The following GLIS3 variants were observed in gnomAD, a reference collection of about 807,000 sequenced individuals.
The protein encoded by GLIS3 is GLIS family zinc finger 3, also known as zinc finger protein GLIS3.
A neutral mutation model predicts 78.6 loss-of-function variants in GLIS3; 53 were observed. That is an observed-to-expected ratio of 0.67 (90% CI 0.54 to 0.85). GLIS3 has a LOEUF of 0.85. GLIS3 is among the 40% of genes least tolerant of loss of function. The probability of loss-of-function intolerance (pLI) is 0.00; values close to 1 mark genes in which losing one functional copy is unlikely to be tolerated. For synonymous variants in GLIS3, 684 were observed against 509.9 expected, an observed-to-expected ratio of 1.34 and a Z score of -4.60; for missense variants, 1,703 against 1,231.1, an observed-to-expected ratio of 1.38 and a Z score of -5.74.
At chr9:4,488,760 C>T in the GLIS3 span, among the ~76,000 whole-genome samples, 1 of 152,150 alleles carries the variant, frequency 6.6e-6, no homozygotes, top group South Asian at 2.1e-4. Context: ...TCAAGTGATC[C>T]GCCTGCCTTG....
At chr9:4,157,313 G>C (rs1835113849) in intron 2 of GLIS3, among the ~76,000 whole-genome samples, 1 of 152,132 alleles carries the variant, frequency 6.6e-6, no homozygotes, top group Admixed American at 6.5e-5. Context: ...GTGACTTACA[G>C]TGAACACCAA....
Position 3,932,324 on chromosome 9 carries a change from GCTT to G in GLIS3, c.1983+33_1983+35del, listed in dbSNP as rs767559985. On this transcript the variant is annotated intron_variant, in intron 6 of 10. Coordinates refer to ENST00000381971, the MANE Select transcript of GLIS3 (RefSeq NM_001042413.2). Reference sequence around the variant, plus strand: ...TGTACTACAAGAATAATCTGAACATGCTTTTCCCGACTGGAAGATTCTCTTTTA... The same window carrying G: ...TGTACTACAAGAATAATCTGAACATGTTCCCGACTGGAAGATTCTCTTTTA... The G allele has an allele frequency of 3.4e-6, 5 of 1,485,078 alleles. No individual in the cohort carries two copies. The East Asian group carries it at 1.1e-4, about 34-fold the overall frequency. 92.0% of individuals were successfully genotyped at this position (1,485,078 alleles called of 1,614,324 possible).
intron 4 of GLIS3, among the ~76,000 whole-genome samples, chr9:4,067,692 C>G (rs1279626704): frequency 6.6e-6 from 1 of 151,874 alleles, no homozygotes; most frequent in Admixed American, 6.6e-5. Context: ...AGATGAAAAA[C>G]AGATTTGCCA....
intron 4 of GLIS3, among the ~76,000 whole-genome samples, chr9:4,060,568 T>C (rs1826562468): frequency 6.6e-6 from 1 of 151,990 alleles, no homozygotes; most frequent in African/African-American, 2.4e-5. Context: ...ATTATGAGAG[T>C]ATAACTTGTG....
At chr9:3,927,537 C>G (rs1362781020) in intron 6 of GLIS3, among the ~76,000 whole-genome samples, 1 of 152,170 alleles carries the variant, frequency 6.6e-6, no homozygotes, top group Admixed American at 6.5e-5. Flanking sequence ...CGGGCAACAG[C>G]TTTAAGCACG....
chr9:4,438,286 A>G, the GLIS3 span, among the ~76,000 whole-genome samples: 2 of 152,220 alleles, frequency 1.3e-5, no homozygotes, highest in African/African-American at 4.8e-5. Context: ...GTTTTGTGAT[A>G]TTTTGTTTAC....
chr9:4,260,079 T>A (rs1023628600), intron 2 of GLIS3, among the ~76,000 whole-genome samples: 1 of 152,172 alleles, frequency 6.6e-6, no homozygotes, highest in Admixed American at 6.5e-5. Context: ...TGACCTCTGA[T>A]CTACACACTT....
chr9:4,250,558 AC>A (rs1366648956), intron 2 of GLIS3, among the ~76,000 whole-genome samples: 5 of 149,316 alleles, frequency 3.3e-5, no homozygotes, highest in African/African-American at 1.2e-4. Context: ...CTTTTCAAAA[AC>A]CTAGCTCCCG....
At chr9:4,482,469 C>G in the GLIS3 span, among the ~76,000 whole-genome samples, 1 of 152,208 alleles carries the variant, frequency 6.6e-6, no homozygotes, top group South Asian at 2.1e-4. Flanking sequence ...CTGACACCAT[C>G]TTTCTCCCCA....
At chr9:4,042,767 C>T (rs1261323593) in intron 4 of GLIS3, among the ~76,000 whole-genome samples, 1 of 152,038 alleles carries the variant, frequency 6.6e-6, no homozygotes, top group Non-Finnish European at 1.5e-5. Flanking sequence ...CTTTGGAAAA[C>T]AATATATGAT....
chr9:4,393,808 G>A, the GLIS3 span, among the ~76,000 whole-genome samples: 1 of 152,086 alleles, frequency 6.6e-6, no homozygotes, highest in Non-Finnish European at 1.5e-5. Context: ...TGTTAACTTT[G>A]ATTAGTTAAG....
At chr9:4,039,620 G>A (rs760217319) in intron 4 of GLIS3, among the ~76,000 whole-genome samples, 2 of 152,168 alleles carry the variant, frequency 1.3e-5, no homozygotes, top group Admixed American at 1.3e-4. Flanking sequence ...CTCGTCCAAG[G>A]AAACACCACT....
chr9:3,847,826 T>C (rs536368791), intron 9 of GLIS3, among the ~76,000 whole-genome samples: 18 of 152,222 alleles, frequency 1.2e-4, no homozygotes, highest in Non-Finnish European at 2.6e-4. Flanking sequence ...TTTGTAGTAA[T>C]TAAGTATATG....
chr9:3,992,765 T>G (rs758373194), intron 4 of GLIS3, among the ~76,000 whole-genome samples: 7 of 152,240 alleles, frequency 4.6e-5, no homozygotes, highest in Non-Finnish European at 1.0e-4. Flanking sequence ...TTTCCAGTTT[T>G]AATTTGGCTG....
intron 2 of GLIS3, among the ~76,000 whole-genome samples, chr9:4,314,891 C>T (rs1029466959): frequency 6.6e-6 from 1 of 152,210 alleles, no homozygotes; most frequent in Non-Finnish European, 1.5e-5. Flanking sequence ...CTGCTGTTAG[C>T]TCTATTCCTT....
the GLIS3 span, among the ~76,000 whole-genome samples, chr9:4,408,533 C>A: frequency 1.3e-5 from 2 of 151,484 alleles, no homozygotes; most frequent in Non-Finnish European, 2.9e-5. Flanking sequence ...TCGAGACCAT[C>A]CTGGCTAACA....
At chr9:4,098,305 C>G (rs911541735) in intron 4 of GLIS3, among the ~76,000 whole-genome samples, 1 of 152,122 alleles carries the variant, frequency 6.6e-6, no homozygotes, top group African/African-American at 2.4e-5. Context: ...TTGGTATATT[C>G]CTAATGAGAT....
intron 4 of GLIS3, among the ~76,000 whole-genome samples, chr9:3,954,882 A>G (rs1414845132): frequency 6.6e-6 from 1 of 152,218 alleles, no homozygotes; most frequent in South Asian, 2.1e-4. Flanking sequence ...TCAGCTGAAA[A>G]CATGCCTTTG....
chr9:3,864,130 T>G (rs995070462), intron 8 of GLIS3, among the ~76,000 whole-genome samples: 1 of 152,024 alleles, frequency 6.6e-6, no homozygotes, highest in Non-Finnish European at 1.5e-5. Context: ...ACATTTGATG[T>G]AAAAAATTCT....
Sources: gnomAD v4.1 joint callset for allele counts (sites outside exome capture counted in the v4.1 genomes callset) on GRCh38, gnomAD v4.1.1 for gene constraint, MANE v1.5 for transcripts, NCBI Gene and HGNC (gene_info 2026-07-23, HGNC 2026-07-21) for gene names.